SRL: variants seen among roughly 807,000 people sequenced by gnomAD.
The protein encoded by SRL is sarcalumenin.
Under a neutral mutation model 39.5 loss-of-function variants are expected in SRL, and 23 were observed. The observed-to-expected ratio is 0.58, with a 90% confidence interval of 0.42 to 0.82. SRL has a LOEUF of 0.82. Ranked by LOEUF, SRL falls within the 40% of genes least tolerant of loss-of-function variation. The probability of loss-of-function intolerance (pLI) is 0.00; values close to 1 mark genes in which losing one functional copy is unlikely to be tolerated. For synonymous variants in SRL, 272 were observed against 237.4 expected, an observed-to-expected ratio of 1.15 and a Z score of -1.34; for missense variants, 592 against 607.8, an observed-to-expected ratio of 0.97 and a Z score of 0.27.
At position 4,242,023 on chromosome 16, in the gene SRL, C is replaced by T. The variant is rs1490873715; in HGVS notation, c.45G>A (p.Leu15=). The T allele has an allele frequency of 1.2e-6, 2 of 1,613,498 alleles. No individual in the cohort carries two copies. Among genetic ancestry groups the T allele is most frequent in the Non-Finnish European group, 1.7e-6 (2 of 1,179,964 alleles). The change falls in exon 1 of 6, where the codon CTG becomes CTA. Residue 15 remains leucine, a synonymous_variant. Transcript: ENST00000399609. ...GGGCCCTACCTGCTTGTCCTGAGAA[C>T]AGGAGCGAGGCCAGGAGGCAGCCGA... ...VLLGCLLASL[L]FSGQAEETED...
chr16:4,192,273 G>C lies in SRL; in HGVS notation c.1302C>G (p.Ala434=). 6.2e-7 allele frequency: 1 copy of C among 1,614,004 alleles called. No individual in the cohort carries two copies. Among genetic ancestry groups the C allele is most frequent in the Non-Finnish European group, 8.5e-7 (1 of 1,180,002 alleles). Reference sequence around the variant, plus strand: ...GGAGGCCCGGAAGCTCCTGAGTGATGGCCCGCTCAATCTTCTCCAGAAAGC... The same window carrying C: ...GGAGGCCCGGAAGCTCCTGAGTGATCGCCCGCTCAATCTTCTCCAGAAAGC... ...GGCFLEKIER[A]ITQELPGLLG... is the part of the protein sequence containing the mutation. The change falls in exon 6 of 6, where the codon GCC becomes GCG. Residue 434 remains alanine (A), a synonymous_variant. Transcript: ENST00000399609. This position sits in a 1 kb window ranked among gnomAD's most constrained non-coding sequence, Gnocchi z 4.0.
chr16:4,224,356 T>C (rs2052563664), intron 1 of SRL, among the ~76,000 whole-genome samples: 1 of 151,694 alleles, frequency 6.6e-6, no homozygotes, highest in South Asian at 2.1e-4. Context: ...TGTCACACAG[T>C]GGGAGGAATT....
rs997221460 is a variant in SRL, at chr16:4,229,240, G to A, written c.61+12767C>T. 5.3e-5 allele frequency among the ~76,000 whole-genome samples: 8 copies of A among 151,998 alleles called. No individual in the cohort carries two copies. In the East Asian group the frequency reaches 5.8e-4, roughly 11 times the overall value. On this transcript the variant is annotated intron_variant, in intron 1 of 5. Transcript: ENST00000399609. ...GGGTGGATCACAAGGACAGGAGATC[G>A]AGACCATCCTGGCTAACACAGTGAA...
chr16:4,233,856 AT>A (rs1040438765), intron 1 of SRL, among the ~76,000 whole-genome samples: 3 of 151,864 alleles, frequency 2.0e-5, no homozygotes, highest in African/African-American at 7.3e-5. Context: ...TTGTGCCTTC[AT>A]CCCTAACCCG....
intron 1 of SRL, among the ~76,000 whole-genome samples, chr16:4,228,160 C>T (rs575593622): frequency 1.3e-5 from 2 of 152,316 alleles, no homozygotes; most frequent in South Asian, 4.1e-4. Flanking sequence ...GCCTGAAGGC[C>T]GGGAGCAGTG....
chr16:4,209,039 G>A (rs1304138312), intron 1 of SRL, among the ~76,000 whole-genome samples: 2 of 152,178 alleles, frequency 1.3e-5, no homozygotes, highest in Admixed American at 6.5e-5. Context: ...TTGGGAGGTC[G>A]AGATAGGCAG....
In SRL at chr16:4,190,064, G is replaced by A; in HGVS notation, c.*2089C>T. 2.5e-6 allele frequency: 1 copy of A among 392,354 alleles called. No homozygotes were observed. Among genetic ancestry groups the A allele is most frequent in the South Asian group, 1.4e-4 (1 of 6,952 alleles). The allele number at this position is 392,354 out of a possible 1,614,324, so 24.3% of individuals were successfully genotyped here. On this transcript the variant is annotated 3_prime_UTR_variant, in exon 6 of 6. Transcript: ENST00000399609. ...GTGGATGCCCCTTGCAGAACTCACT[G>A]TTCTTTCCTGGTCGACTCGTTCCTT...
chr16:4,195,453 C>T (rs1156878395), intron 5 of SRL, 100 bp downstream of exon 5: 2 of 1,186,660 alleles, frequency 1.7e-6, no homozygotes, highest in African/African-American at 3.1e-5. Flanking sequence ...CTGTCTTGGT[C>T]TCCCAAAGAG....
At chr16:4,210,294 G>T (rs750367948) in intron 1 of SRL, among the ~76,000 whole-genome samples, 1 of 152,088 alleles carries the variant, frequency 6.6e-6, no homozygotes, top group Non-Finnish European at 1.5e-5. Flanking sequence ...TGGGAATTTG[G>T]TTTAATCAGA....
intron 1 of SRL, among the ~76,000 whole-genome samples, chr16:4,210,214 C>T (rs1035276867): frequency 4.6e-5 from 7 of 152,144 alleles, no homozygotes; most frequent in African/African-American, 1.7e-4. Context: ...CACCTACATA[C>T]CTGTAAGTCC....
chr16:4,194,255 C>G (rs931897611), intron 5 of SRL, among the ~76,000 whole-genome samples: 1 of 152,230 alleles, frequency 6.6e-6, no homozygotes, highest in Admixed American at 6.5e-5. Context: ...GGCCATCCCT[C>G]TCTGGAACTT....
chr16:4,210,909 G>C (rs1259198926), intron 1 of SRL, among the ~76,000 whole-genome samples: 1 of 152,144 alleles, frequency 6.6e-6, no homozygotes, highest in Non-Finnish European at 1.5e-5. Context: ...CCGGGAGCCT[G>C]TTAGAGACGC....
intron 1 of SRL, among the ~76,000 whole-genome samples, chr16:4,217,238 G>C (rs955768307): frequency 1.3e-5 from 2 of 152,042 alleles, no homozygotes; most frequent in Non-Finnish European, 2.9e-5. Flanking sequence ...AGGAAAGCTG[G>C]GTTCTGCCCC....
chr16:4,236,469 G>C (rs1183343921), intron 1 of SRL, among the ~76,000 whole-genome samples: 1 of 151,966 alleles, frequency 6.6e-6, no homozygotes, highest in Non-Finnish European at 1.5e-5. Flanking sequence ...TTGAATCTTT[G>C]TCTCTCCCTG....
At position 4,192,617 on chromosome 16, in the gene SRL, G is replaced by C; in HGVS notation, c.958C>G (p.Gln320Glu). Reference protein sequence around the residue: ...EEISLLEDLNQVIENRLENKI... With the variant: ...EEISLLEDLNEVIENRLENKI... ...TTCTCCAGTCTGTTCTCGATCACCT[G>C]ATTCAGGTCTTCTAGGAGGGAGATC... The change falls in exon 6 of 6, where the codon CAG becomes GAG. Residue 320 changes from glutamine (Q) to glutamate (E), a missense_variant. By Grantham distance (29) the Gln-to-Glu change is conservative. Transcript: ENST00000399609. This position sits in a 1 kb window ranked among gnomAD's most constrained non-coding sequence, Gnocchi z 4.0. 2.5e-6 allele frequency: 4 copies of C among 1,614,170 alleles called. No individual in the cohort carries two copies. The highest frequency in any genetic ancestry group is 3.4e-6 in the Non-Finnish European group (4 of 1,180,028).
chr16:4,210,290 T>C (rs13331379), intron 1 of SRL, among the ~76,000 whole-genome samples: 84,011 of 151,904 alleles, frequency 0.55, 24,142 homozygotes, highest in African/African-American at 0.7. Flanking sequence ...ATGGTGGGAA[T>C]TTGGTTTAAT....
chr16:4,204,757 A>T (rs62039298), intron 1 of SRL, 123 bp from the exon 2 acceptor site: 203,729 of 748,414 alleles, frequency 0.27, 29,331 homozygotes, highest in Middle Eastern at 0.39. Flanking sequence ...GCCAAGTTAC[A>T]CTGGACTGAG....
intron 1 of SRL, among the ~76,000 whole-genome samples, chr16:4,241,309 C>T (rs952404950): frequency 6.6e-6 from 1 of 152,180 alleles, no homozygotes; most frequent in African/African-American, 2.4e-5. Flanking sequence ...ACCCAAGCCA[C>T]CACCTCTGCT....
At chr16:4,227,641 C>T (rs530841947) in intron 1 of SRL, among the ~76,000 whole-genome samples, 7 of 152,172 alleles carry the variant, frequency 4.6e-5, no homozygotes, top group South Asian at 2.1e-4. Context: ...GAAGACCTTC[C>T]GTCAACCCCA....
Sources: gnomAD v4.1 joint callset for allele counts (sites outside exome capture counted in the v4.1 genomes callset) on GRCh38, gnomAD v4.1.1 for gene constraint, Gnocchi (gnomAD v3.1) non-coding constraint, MANE v1.5 for transcripts, NCBI Gene and HGNC (gene_info 2026-07-23, HGNC 2026-07-21) for gene names.